The following TUSC3 variants were observed in gnomAD, a reference collection of about 807,000 sequenced individuals.
TUSC3 encodes dolichyl-diphosphooligosaccharide--protein glycosyltransferase subunit TUSC3.
Under a neutral mutation model 44.8 loss-of-function variants are expected in TUSC3, and 45 were observed. The ratio of observed to expected loss-of-function variants is 1.00; its 90% CI spans 0.79 to 1.29. TUSC3 has a LOEUF of 1.29. Ranked by LOEUF, TUSC3 falls within the 50% of genes most tolerant of loss-of-function variation. The pLI is 0.00. For synonymous variants in TUSC3, 212 were observed against 152.9 expected (o/e 1.39, Z -2.85); for missense variants, 519 against 437.9 (o/e 1.19, Z -1.65).
At chr8:15,545,969 A>G (rs1389540795) in intron 1 of TUSC3, among the ~76,000 whole-genome samples, 1 of 151,746 alleles carries the variant, frequency 6.6e-6, no homozygotes, top group Non-Finnish European at 1.5e-5. Flanking sequence ...CTCCATAAGA[A>G]TTCCTCCTGG....
At chr8:15,842,219 A>G in the TUSC3 span, among the ~76,000 whole-genome samples, 20 of 152,200 alleles carry the variant, frequency 1.3e-4, no homozygotes, top group African/African-American at 4.3e-4. Context: ...TAAGAGAACG[A>G]GTATGAATCC....
chr8:15,774,480 G>T, the TUSC3 span, among the ~76,000 whole-genome samples: 3 of 152,114 alleles, frequency 2.0e-5, no homozygotes, highest in African/African-American at 7.2e-5. Flanking sequence ...CAGATTGCCA[G>T]CAAACCAATA....
chr8:15,596,154 C>T (rs570085268), intron 1 of TUSC3, among the ~76,000 whole-genome samples: 14 of 152,186 alleles, frequency 9.2e-5, no homozygotes, highest in African/African-American at 2.4e-4. Context: ...ATTTTATAGT[C>T]GCAAGTTCTA....
Position 15,765,384 on chromosome 8 carries a change from C to G in TUSC3, c.*1228C>G, listed in dbSNP as rs995351018. The G allele has an allele frequency of 6.6e-6, 1 of 151,892 alleles. No homozygotes were observed. The highest frequency in any genetic ancestry group is 1.5e-5 in the Non-Finnish European group (1 of 67,906). The allele number at this position is 151,892 out of a possible 1,614,324, so 9.4% of individuals were successfully genotyped here. A position where few individuals can be genotyped will look rare whatever the true frequency, so the allele number is the denominator to read the frequency against. ...GCTTTTTGTTTTTAAGGTTTGTTAT[C>G]TAATTTTCATTAAGATTTGAGTAAC... is the stretch of plus-strand genomic sequence containing the variant. On this transcript the variant is annotated 3_prime_UTR_variant, in exon 11 of 11. Transcript: ENST00000503731.
chr8:15,440,508 C>T (rs1437585331), intron 1 of TUSC3, among the ~76,000 whole-genome samples: 2 of 152,060 alleles, frequency 1.3e-5, no homozygotes, highest in Admixed American at 1.3e-4. Flanking sequence ...CTGATGTTGC[C>T]GTGTGAAGGA....
At chr8:15,521,521 G>T (rs951345372) in intron 2 of TUSC3, among the ~76,000 whole-genome samples, 7 of 152,086 alleles carry the variant, frequency 4.6e-5, no homozygotes, top group African/African-American at 7.2e-5. Flanking sequence ...CCCATCCAGG[G>T]TGACCAATCT....
intron 3 of TUSC3, among the ~76,000 whole-genome samples, chr8:15,658,684 A>G (rs1393029832): frequency 1.3e-5 from 2 of 151,046 alleles, no homozygotes; most frequent in East Asian, 1.9e-4. Context: ...TACACATACA[A>G]TATATATACA....
intron 6 of TUSC3, among the ~76,000 whole-genome samples, chr8:15,713,053 T>C (rs1809920244): frequency 1.3e-5 from 2 of 152,172 alleles, no homozygotes; most frequent in African/African-American, 2.4e-5. Context: ...ATGGCAACAG[T>C]AAATATTTTT....
chr8:15,675,570 T>C (rs1189474102), intron 6 of TUSC3, among the ~76,000 whole-genome samples: 3 of 152,100 alleles, frequency 2.0e-5, no homozygotes, highest in Non-Finnish European at 2.9e-5. Context: ...CTGAGTATAG[T>C]ACCAAATAGG....
At chr8:15,606,170 G>A (rs902907713) in intron 1 of TUSC3, among the ~76,000 whole-genome samples, 17 of 152,050 alleles carry the variant, frequency 1.1e-4, no homozygotes, top group Non-Finnish European at 7.4e-5. Flanking sequence ...AGATACCATA[G>A]ATTGAGATCT....
the TUSC3 span, among the ~76,000 whole-genome samples, chr8:15,773,209 G>T: frequency 6.6e-6 from 1 of 152,036 alleles, no homozygotes; most frequent in East Asian, 1.9e-4. Context: ...TTCACAGATG[G>T]CATGATATAC....
intron 2 of TUSC3, among the ~76,000 whole-genome samples, chr8:15,639,855 A>G (rs888346911): frequency 4.7e-5 from 7 of 147,810 alleles, no homozygotes; most frequent in Admixed American, 4.7e-4. Context: ...CTTCAGATAT[A>G]GTCCTTTCTT....
At chr8:15,762,813 C>CATCT (rs369200369) in intron 10 of TUSC3, among the ~76,000 whole-genome samples, 1 of 152,156 alleles carries the variant, frequency 6.6e-6, no homozygotes, top group East Asian at 1.9e-4. Flanking sequence ...ACAGCTGGCA[C>CATCT]ATCTATCTGC....
rs200287583 is a variant in TUSC3 at position 15,662,170 on chromosome 8, A to G, written c.582A>G (p.Arg194=). The change falls in exon 5 of 11, where the codon AGA becomes AGG. Residue 194 remains arginine, a synonymous_variant. Transcript: ENST00000503731. ...DRTDVHIRVF[R]PPNYSGTIAL... ...CATTTTTGCAGATTCGGGTTTTCAG[A>G]CCACCCAACTACTCTGGTACCATTG... 5.6e-6 allele frequency: 9 copies of G among 1,612,838 alleles called. No homozygotes were observed. In the South Asian group the frequency reaches 9.9e-5, roughly 18 times the overall value.
chr8:15,563,342 C>T (rs1267534653), intron 1 of TUSC3, among the ~76,000 whole-genome samples: 1 of 151,976 alleles, frequency 6.6e-6, no homozygotes. Context: ...TGAAAGGCTA[C>T]TGTTTGCATG....
chr8:15,551,071 T>G (rs182510791), intron 1 of TUSC3, among the ~76,000 whole-genome samples: 71 of 151,916 alleles, frequency 4.7e-4, no homozygotes, highest in Non-Finnish European at 8.7e-4. Context: ...CTTAACCGTT[T>G]GGAGCAGCAG....
intron 1 of TUSC3, among the ~76,000 whole-genome samples, chr8:15,611,289 C>G (rs1211981326): frequency 6.6e-6 from 1 of 152,068 alleles, no homozygotes; most frequent in Non-Finnish European, 1.5e-5. Flanking sequence ...CAGGTTGAAA[C>G]GATTCTCCTG....
chr8:15,785,802 T>A, the TUSC3 span, among the ~76,000 whole-genome samples: 1,819 of 147,398 alleles, frequency 0.012, 22 homozygotes, highest in Non-Finnish European at 0.021. Flanking sequence ...CATAATGAGC[T>A]AACGTGCCAG....
chr8:15,559,416 C>T lies in TUSC3; in HGVS notation c.138+18848C>T, dbSNP rs574164229. ...TTTACATTTGCTGAGGAGAGCTTTA[C>T]TTCCAAGTATGTGGTCAATTTTGGA... On this transcript the variant is annotated intron_variant, in intron 1 of 10. Transcript: ENST00000503731. Among the ~76,000 whole-genome samples the T allele has an allele frequency of 2.7e-3, 404 of 148,558 alleles. 5 individuals are homozygous for T. The highest frequency in any genetic ancestry group is 9.7e-3 in the African/African-American group (394 of 40,702).
Sources: gnomAD v4.1 joint callset for allele counts (sites outside exome capture counted in the v4.1 genomes callset) on GRCh38, gnomAD v4.1.1 for gene constraint, MANE v1.5 for transcripts, NCBI Gene and HGNC (gene_info 2026-07-23, HGNC 2026-07-21) for gene names.